LIMCH1: variants seen among roughly 807,000 people sequenced by gnomAD.
The protein encoded by LIMCH1 is LIM and calponin homology domains 1, also known as LIM and calponin homology domains-containing protein 1.
LIMCH1 carries 113 observed loss-of-function variants against 176.5 expected under a neutral mutation model. The ratio of observed to expected loss-of-function variants is 0.64; its 90% CI spans 0.55 to 0.75. The LOEUF is 0.75. LIMCH1 is among the 30% of genes least tolerant of loss of function. LIMCH1 has a pLI of 0.00. For synonymous variants in LIMCH1, 619 were observed against 645.9 expected (o/e 0.96, Z 0.63); for missense variants, 1,674 against 1,814.9 (o/e 0.92, Z 1.41).
intron 5 of LIMCH1, among the ~76,000 whole-genome samples, chr4:41,618,586 C>T (rs1335394841): frequency 1.3e-5 from 2 of 152,144 alleles, no homozygotes; most frequent in Admixed American, 6.5e-5. Flanking sequence ...TTGCCTCCAG[C>T]CGTGGGAACC....
chr4:41,563,248 A>G (rs930428366), intron 1 of LIMCH1, among the ~76,000 whole-genome samples: 2 of 152,116 alleles, frequency 1.3e-5, no homozygotes, highest in Non-Finnish European at 2.9e-5. Context: ...TGATGGTAAT[A>G]TATTCAAGAG....
intron 3 of LIMCH1, 114 bp from the exon 4 acceptor site, chr4:41,605,780 C>T (rs979826016): frequency 4.0e-5 from 20 of 503,104 alleles, no homozygotes; most frequent in Admixed American, 1.8e-4. Context: ...TTTTTAAAAT[C>T]GATGTAAATC....
chr4:41,632,851 G>A lies in LIMCH1; in HGVS notation c.1704G>A (p.Pro568=), dbSNP rs1356144212. Residue 568 remains proline, a synonymous_variant, in exon 11 of 32, where the codon CCG becomes CCA. Coordinates refer to ENST00000503057, the MANE Select transcript of LIMCH1 (RefSeq NM_001330672.2). ...EEWVCSLGEC[P]RGTEEVTSKQ... is the part of the protein sequence containing the mutation. Reference sequence around the variant, plus strand: ...GGGTCTGCAGTTTGGGCGAGTGCCCGAGGGGGACAGAGGAAGGTGAGGAGC... The same window carrying A: ...GGGTCTGCAGTTTGGGCGAGTGCCCAAGGGGGACAGAGGAAGGTGAGGAGC... The A allele has an allele frequency of 4.6e-6, 7 of 1,536,154 alleles. No homozygotes were observed. In the East Asian group the frequency reaches 7.3e-5, roughly 16 times the overall value.
chr4:41,393,205 A>G (rs1381311089), intron 1 of LIMCH1, among the ~76,000 whole-genome samples: 3 of 151,966 alleles, frequency 2.0e-5, no homozygotes, highest in African/African-American at 7.3e-5. Context: ...AGGTTGACTT[A>G]CTCCTTGTTG....
intron 1 of LIMCH1, among the ~76,000 whole-genome samples, chr4:41,550,279 A>G (rs1168756938): frequency 6.6e-6 from 1 of 151,474 alleles, no homozygotes; most frequent in Non-Finnish European, 1.5e-5. Context: ...GTCAACAGGT[A>G]TTAATTTAGC....
rs1181933346 is a variant in LIMCH1, at chr4:41,698,323, T to C, written c.*1138T>C. On this transcript the variant is annotated 3_prime_UTR_variant, in exon 32 of 32. Transcript: ENST00000503057. ...TTCAATGAATACCTACTCTCCTCCA[T>C]TCTCCATCACTTTTTTTGCTATCAA... 1 of 152,278 alleles carries C rather than the reference T, an allele frequency of 6.6e-6. No individual in the cohort carries two copies. Among genetic ancestry groups the C allele is most frequent in the African/African-American group, 2.4e-5 (1 of 41,470 alleles). 9.4% of individuals were successfully genotyped at this position (152,278 alleles called of 1,614,324 possible).
intron 31 of LIMCH1, among the ~76,000 whole-genome samples, chr4:41,695,629 G>T (rs57243635): frequency 0.13 from 20,170 of 151,958 alleles, 1,725 homozygotes; most frequent in African/African-American, 0.24. Context: ...TGGGTAATAA[G>T]GGTCACCTTC....
chr4:41,467,814 A>T (rs1042711934), intron 1 of LIMCH1, among the ~76,000 whole-genome samples: 1 of 152,236 alleles, frequency 6.6e-6, no homozygotes, highest in African/African-American at 2.4e-5. Flanking sequence ...ACCAGAAAAC[A>T]GAATAGTCAA....
At chr4:41,367,723 C>T (rs573262114) in intron 1 of LIMCH1, among the ~76,000 whole-genome samples, 7 of 149,490 alleles carry the variant, frequency 4.7e-5, no homozygotes, top group East Asian at 2.0e-4. Flanking sequence ...AAAAATCATC[C>T]GGGCGTGGTG....
intron 2 of LIMCH1, among the ~76,000 whole-genome samples, chr4:41,515,520 G>A (rs2075471927): frequency 6.6e-6 from 1 of 152,224 alleles, no homozygotes; most frequent in South Asian, 2.1e-4. Flanking sequence ...TGGAGAAGAT[G>A]GTAATAATGC....
intron 1 of LIMCH1, among the ~76,000 whole-genome samples, chr4:41,584,982 A>G (rs1451111295): frequency 1.3e-5 from 2 of 152,040 alleles, no homozygotes; most frequent in East Asian, 1.9e-4. Flanking sequence ...TTGTCCTTCC[A>G]TGGTAGAAAG....
chr4:41,448,461 TG>T (rs2063502444), intron 1 of LIMCH1, among the ~76,000 whole-genome samples: 1 of 152,188 alleles, frequency 6.6e-6, no homozygotes, highest in African/African-American at 2.4e-5. Flanking sequence ...TTTATCACAG[TG>T]CTCTCTCCTT....
intron 1 of LIMCH1, among the ~76,000 whole-genome samples, chr4:41,563,636 A>G (rs751011345): frequency 6.6e-5 from 10 of 152,188 alleles, no homozygotes; most frequent in Non-Finnish European, 1.3e-4. Flanking sequence ...ATGGCATGAA[A>G]AGCAACTGTG....
In LIMCH1 at chr4:41,632,856, G is replaced by A. The variant is rs775988293; in HGVS notation, c.1709G>A (p.Gly570Glu). The A allele has an allele frequency of 2.0e-6, 3 of 1,536,166 alleles. No homozygotes were observed. The highest frequency in any genetic ancestry group is 2.4e-5 in the East Asian group (1 of 40,916). The change falls in exon 11 of 32, where the codon GGG becomes GAG. Residue 570 changes from glycine (G) to glutamate (E), a missense_variant. This residue lies in a region of LIMCH1 where 1,015 missense variants were observed against 1,102.5 expected (regional missense o/e 0.92). Coordinates refer to ENST00000503057, the MANE Select transcript of LIMCH1 (RefSeq NM_001330672.2). ...WVCSLGECPRGTEEVTSKQLP... is the reference protein window; with the variant it reads ...WVCSLGECPRETEEVTSKQLP... The stretch of plus-strand genomic sequence containing the variant: ...TGCAGTTTGGGCGAGTGCCCGAGGG[G>A]GACAGAGGAAGGTGAGGAGCAGTGT...
rs753411109 is a variant in LIMCH1, at chr4:41,650,422, G to A, written c.2850G>A (p.Glu950=). 4.5e-5 allele frequency: 72 copies of A among 1,614,066 alleles called. No homozygotes were observed. In the Admixed American group the frequency reaches 1.2e-3, roughly 27 times the overall value. The change falls in exon 18 of 32, where the codon GAG becomes GAA. Residue 950 remains glutamate (E), a synonymous_variant. Transcript: ENST00000503057. ...KVDGKVSVNG[E]TVHREEEKER... ...ACGGGAAAGTCAGTGTGAATGGAGA[G>A]ACGGTTCATAGAGAGGAGGAGAAGG...
At chr4:41,373,970 C>G (rs564303466) in intron 1 of LIMCH1, among the ~76,000 whole-genome samples, 1 of 152,306 alleles carries the variant, frequency 6.6e-6, no homozygotes, top group South Asian at 2.1e-4. Context: ...CCATGCAGGA[C>G]ATGCCTACTT....
intron 15 of LIMCH1, among the ~76,000 whole-genome samples, chr4:41,645,665 C>CTGCCCCA (rs2094024378): frequency 6.6e-6 from 1 of 152,206 alleles, no homozygotes; most frequent in African/African-American, 2.4e-5. Context: ...CATATAGAAT[C>CTGCCCCA]ACCAGATCTA....
At chr4:41,382,729 C>T (rs6854301) in intron 1 of LIMCH1, among the ~76,000 whole-genome samples, 3,432 of 152,286 alleles carry the variant, frequency 0.023, 125 homozygotes, top group African/African-American at 0.079. Context: ...ATACTCAGCT[C>T]AACACTCAGG....
Position 41,646,613 on chromosome 4 carries a change from T to C in LIMCH1, c.2540T>C (p.Met847Thr), listed in dbSNP as rs1426842048. ...ISEAVLERLE[M>T]PKILERSHST... is the part of the protein sequence containing the mutation. ...GAGGCTGTTCTCGAACGCTTGGAGA[T>C]GCCAAAAATTCTGGAAAGAAGCCAT... Residue 847 changes from methionine (M) to threonine (T), a missense_variant, in exon 17 of 32, where the codon ATG becomes ACG. Met to Thr is a moderately conservative substitution (Grantham distance 81, BLOSUM62 -1). Around this residue, in one of 3 missense-constraint regions of LIMCH1, gnomAD observed 1,015 missense variants for 1,102.5 expected, o/e 0.92. Transcript: ENST00000503057. 3 of 1,614,184 alleles carry C rather than the reference T, an allele frequency of 1.9e-6. No individual in the cohort carries two copies. Among genetic ancestry groups the C allele is most frequent in the Admixed American group, 1.7e-5 (1 of 60,024 alleles).
Sources: gnomAD v4.1 joint callset for allele counts (sites outside exome capture counted in the v4.1 genomes callset) on GRCh38, gnomAD v4.1.1 for gene constraint, gnomAD v4.1.1 regional missense constraint, MANE v1.5 for transcripts, NCBI Gene and HGNC (gene_info 2026-07-23, HGNC 2026-07-21) for gene names.